The following GSE1 variants were observed in gnomAD, a reference collection of about 807,000 sequenced individuals.
GSE1 encodes genetic suppressor element 1.
A neutral mutation model predicts 112.6 loss-of-function variants in GSE1; 32 were observed. That is an observed-to-expected ratio of 0.28 (90% CI 0.21 to 0.38). The LOEUF (loss-of-function observed/expected upper bound fraction) is 0.38, where lower values mean the gene tolerates loss of function less well. Among genes scored for constraint, GSE1 ranks in the 10% least tolerant of loss-of-function variants. The pLI, the probability that GSE1 is intolerant of heterozygous loss-of-function variation, is 1.00. For synonymous variants in GSE1, 1,115 were observed against 735.6 expected (o/e 1.52, Z -8.35); for missense variants, 2,348 against 1,699.2 (o/e 1.38, Z -6.71).
At chr16:85,571,066 A>T (rs553431847) in intron 1 of GSE1, among the ~76,000 whole-genome samples, 1 of 152,200 alleles carries the variant, frequency 6.6e-6, no homozygotes, top group Non-Finnish European at 1.5e-5. Context: ...AGCATGCCAC[A>T]AACTGTACTG....
rs368930263 is a variant in GSE1, at chr16:85,527,019, C to T, written c.2465-106895C>T. On this transcript the variant is annotated intron_variant, in intron 2 of 2. Coordinates refer to the GSE1 transcript ENST00000637419. ...AAAACAGTGTTGTAAAAATATTGTC[C>T]GTGGTGCAGGGATTTGGGGAGGGGG... 3.3e-5 allele frequency among the ~76,000 whole-genome samples: 5 copies of T among 152,108 alleles called. No homozygotes were observed. The South Asian group carries it at 8.3e-4, about 25-fold the overall frequency.
chr16:85,194,205 G>A (rs1233967402), intron 1 of GSE1, among the ~76,000 whole-genome samples: 1 of 152,122 alleles, frequency 6.6e-6, no homozygotes, highest in Non-Finnish European at 1.5e-5. Context: ...GTGTCCGGGC[G>A]CCCTTGTGGT....
chr16:85,601,664 C>G (rs2047471366), intron 1 of GSE1, among the ~76,000 whole-genome samples: 1 of 152,230 alleles, frequency 6.6e-6, no homozygotes, highest in Admixed American at 6.5e-5. Context: ...GTCCATCTAA[C>G]CTTTCCTTTT....
chr16:85,509,721 A>T (rs1598005653), intron 2 of GSE1, among the ~76,000 whole-genome samples: 1 of 152,300 alleles, frequency 6.6e-6, no homozygotes, highest in South Asian at 2.1e-4. Flanking sequence ...TGTTCACGGC[A>T]CACCTCGGCT....
chr16:85,485,200 C>G (rs906889905), intron 2 of GSE1, among the ~76,000 whole-genome samples: 1 of 152,244 alleles, frequency 6.6e-6, no homozygotes, highest in African/African-American at 2.4e-5. Context: ...AGCCTGTGCC[C>G]GGAGATAGGC....
intron 1 of GSE1, among the ~76,000 whole-genome samples, chr16:85,566,517 G>A (rs1186335494): frequency 4.6e-5 from 7 of 152,210 alleles, no homozygotes; most frequent in Non-Finnish European, 4.4e-5. Context: ...TGGCCAGCCC[G>A]GCCTCAGCGG....
chr16:85,446,349 T>C (rs2049511740), intron 2 of GSE1, among the ~76,000 whole-genome samples: 2 of 152,120 alleles, frequency 1.3e-5, no homozygotes, highest in South Asian at 4.2e-4. Flanking sequence ...TCTGCCTCGG[T>C]TTCCCCTTCT....
intron 1 of GSE1, among the ~76,000 whole-genome samples, chr16:85,620,629 TA>T (rs2048670413): frequency 6.6e-6 from 1 of 152,256 alleles, no homozygotes. Context: ...CCGTAACAGA[TA>T]AGAAAACAGG....
chr16:85,348,555 G>C (rs527600492), intron 1 of GSE1, among the ~76,000 whole-genome samples: 1 of 152,268 alleles, frequency 6.6e-6, no homozygotes, highest in Admixed American at 6.5e-5. Context: ...TCCATGAAAT[G>C]CAGGCTCCTT....
intron 1 of GSE1, among the ~76,000 whole-genome samples, chr16:85,329,067 G>A (rs2046285679): frequency 6.6e-6 from 1 of 152,156 alleles, no homozygotes; most frequent in Admixed American, 6.5e-5. Context: ...AACCCCCGCG[G>A]CCCCAGTGTT....
chr16:85,230,801 G>A (rs1270494538), intron 1 of GSE1, among the ~76,000 whole-genome samples: 4 of 152,166 alleles, frequency 2.6e-5, no homozygotes, highest in Non-Finnish European at 5.9e-5. Context: ...AAATGGAAAA[G>A]TTCCTTACTA....
chr16:85,475,048 G>T (rs551394620), intron 2 of GSE1, among the ~76,000 whole-genome samples: 2 of 152,198 alleles, frequency 1.3e-5, no homozygotes, highest in South Asian at 4.2e-4. Flanking sequence ...CACTAATGTG[G>T]CCCAGGGACG....
intron 1 of GSE1, among the ~76,000 whole-genome samples, chr16:85,624,601 G>A (rs897886118): frequency 1.3e-5 from 2 of 152,224 alleles, no homozygotes; most frequent in Admixed American, 6.5e-5. Context: ...GGAAGCAGCC[G>A]GCACCATGGC....
chr16:85,533,335 G>T (rs1291860273), intron 2 of GSE1, among the ~76,000 whole-genome samples: 2 of 151,876 alleles, frequency 1.3e-5, no homozygotes, highest in Admixed American at 1.3e-4. Flanking sequence ...CAGGAGAATC[G>T]CTTGAAACTG....
At chr16:85,586,817 C>T (rs1319307805) in intron 1 of GSE1, among the ~76,000 whole-genome samples, 1 of 152,238 alleles carries the variant, frequency 6.6e-6, no homozygotes, top group Non-Finnish European at 1.5e-5. Flanking sequence ...GGCCCCCTGG[C>T]AGCCCCTCCC....
chr16:85,342,447 C>T (rs1320483287), intron 1 of GSE1, among the ~76,000 whole-genome samples: 1 of 152,144 alleles, frequency 6.6e-6, no homozygotes, highest in Non-Finnish European at 1.5e-5. Context: ...TGAGGCGGCT[C>T]TGCTCCTTCA....
At position 85,667,025 on chromosome 16, in the gene GSE1, G is replaced by T. The variant is rs1027041453; in HGVS notation, c.3130+678G>T. Among the ~76,000 whole-genome samples, 4 of 152,364 alleles carry T rather than the reference G, an allele frequency of 2.6e-5. No individual in the cohort carries two copies. The South Asian group carries it at 8.3e-4, about 32-fold the overall frequency. On this transcript the variant is annotated intron_variant, in intron 13 of 15. Coordinates refer to ENST00000253458, the MANE Select transcript of GSE1 (RefSeq NM_014615.5). ...TAGAGGTGTGCATAGGTGATACGCAGATACTATGCCACTTTATATCAGGGA... is the reference window on the plus strand; with the variant it reads ...TAGAGGTGTGCATAGGTGATACGCATATACTATGCCACTTTATATCAGGGA...
At chr16:85,528,012 A>G (rs1382272898) in intron 2 of GSE1, among the ~76,000 whole-genome samples, 1 of 152,154 alleles carries the variant, frequency 6.6e-6, no homozygotes, top group Non-Finnish European at 1.5e-5. Flanking sequence ...AGAGGGAGAG[A>G]CGAGGACAGC....
upstream of GSE1, among the ~76,000 whole-genome samples, chr16:85,610,731 A>G (rs1193988088): frequency 6.6e-6 from 1 of 152,124 alleles, no homozygotes; most frequent in Non-Finnish European, 1.5e-5. Context: ...CCCTAGGCCT[A>G]CTGGGTTGGG....
Sources: gnomAD v4.1 joint callset for allele counts (sites outside exome capture counted in the v4.1 genomes callset) on GRCh38, gnomAD v4.1.1 for gene constraint, MANE v1.5 for transcripts, NCBI Gene and HGNC (gene_info 2026-07-23, HGNC 2026-07-21) for gene names.